The following SH3PXD2A variants were observed in gnomAD, a reference collection of about 807,000 sequenced individuals.
SH3PXD2A encodes SH3 and PX domains 2A.
Under a neutral mutation model 115.2 loss-of-function variants are expected in SH3PXD2A, and 32 were observed. The ratio of observed to expected loss-of-function variants is 0.28; its 90% CI spans 0.21 to 0.37. The LOEUF is 0.37. Ranked by LOEUF, SH3PXD2A falls within the 10% of genes least tolerant of loss-of-function variation. The pLI, the probability that SH3PXD2A is intolerant of heterozygous loss-of-function variation, is 1.00. For missense variants in SH3PXD2A, 1,328 were observed against 1,498.7 expected (o/e 0.89, Z 1.88); for synonymous variants, 610 against 629.1 (o/e 0.97, Z 0.45).
chr10:103,666,325 C>G lies in SH3PXD2A; in HGVS notation c.472+2283G>C, dbSNP rs567581871. Among the ~76,000 whole-genome samples, 13 of 152,298 alleles carry G rather than the reference C, an allele frequency of 8.5e-5. No homozygotes were observed. In the South Asian group the frequency reaches 2.7e-3, roughly 32 times the overall value. Reference sequence around the variant, plus strand: ...CCAAGTCTGTGCTCTAGCTGCTGCCCCCTGCTGGAATGCTTTCCCTTCTCT... The same window carrying G: ...CCAAGTCTGTGCTCTAGCTGCTGCCGCCTGCTGGAATGCTTTCCCTTCTCT... On this transcript the variant is annotated intron_variant, in intron 7 of 14. Coordinates refer to ENST00000369774, the MANE Select transcript of SH3PXD2A (RefSeq NM_001394015.1). The surrounding 1 kb of genome is among the most constrained non-coding windows in gnomAD (Gnocchi z 4.5).
chr10:103,724,956 C>T (rs2038222983), intron 4 of SH3PXD2A, among the ~76,000 whole-genome samples: 1 of 152,190 alleles, frequency 6.6e-6, no homozygotes. Context: ...CTTCCACTAG[C>T]CACGCTCCAG....
At chr10:103,640,246 T>C (rs1171817601) in intron 8 of SH3PXD2A, among the ~76,000 whole-genome samples, 1 of 150,342 alleles carries the variant, frequency 6.7e-6, no homozygotes, top group Non-Finnish European at 1.5e-5. Context: ...ACCCAGGAGG[T>C]GGAGGTTGCA....
intron 8 of SH3PXD2A, among the ~76,000 whole-genome samples, chr10:103,647,973 C>T (rs1006027935): frequency 6.6e-6 from 1 of 152,086 alleles, no homozygotes; most frequent in Non-Finnish European, 1.5e-5. Flanking sequence ...ATCTCCTATT[C>T]TGTTATCTTC....
At chr10:103,638,312 G>T (rs950800356) in intron 8 of SH3PXD2A, among the ~76,000 whole-genome samples, 5 of 152,220 alleles carry the variant, frequency 3.3e-5, no homozygotes, top group Non-Finnish European at 7.3e-5. Flanking sequence ...CGTGGAGTCC[G>T]TGTCAAGACA....
chr10:103,814,462 C>T (rs181240593), intron 1 of SH3PXD2A, among the ~76,000 whole-genome samples: 112 of 152,310 alleles, frequency 7.4e-4, no homozygotes, highest in African/African-American at 2.5e-3. Flanking sequence ...CAGTGGATAA[C>T]GAGTGCCAGC....
chr10:103,773,692 C>T (rs776352050), intron 2 of SH3PXD2A, among the ~76,000 whole-genome samples: 1 of 152,162 alleles, frequency 6.6e-6, no homozygotes, highest in Non-Finnish European at 1.5e-5. Context: ...CTGCCTGCCT[C>T]AGCCTCCCAA....
intron 6 of SH3PXD2A, among the ~76,000 whole-genome samples, chr10:103,683,831 A>G (rs1486745688): frequency 6.6e-6 from 1 of 152,000 alleles, no homozygotes; most frequent in African/African-American, 2.4e-5. Flanking sequence ...CTCTCCCACA[A>G]TGGCCAGCCA....
At chr10:103,723,319 C>T (rs531901825) in intron 5 of SH3PXD2A, among the ~76,000 whole-genome samples, 3 of 152,318 alleles carry the variant, frequency 2.0e-5, no homozygotes, top group Non-Finnish European at 2.9e-5. Context: ...AGTCCTCTCC[C>T]CAACCCTCTC....
At chr10:103,658,252 C>A (rs1277790751) in intron 8 of SH3PXD2A, among the ~76,000 whole-genome samples, 1 of 152,182 alleles carries the variant, frequency 6.6e-6, no homozygotes, top group Non-Finnish European at 1.5e-5. Context: ...GCACTCCCAG[C>A]CAAGTGAGAG....
intron 3 of SH3PXD2A, among the ~76,000 whole-genome samples, chr10:103,736,350 C>A (rs1360329525): frequency 2.0e-5 from 3 of 152,230 alleles, no homozygotes; most frequent in Non-Finnish European, 4.4e-5. Context: ...GCACACACAG[C>A]CTCCAGCCAT....
At chr10:103,776,160 G>T (rs1268675334) in intron 2 of SH3PXD2A, among the ~76,000 whole-genome samples, 1 of 152,222 alleles carries the variant, frequency 6.6e-6, no homozygotes, top group African/African-American at 2.4e-5. Flanking sequence ...GCCAAGGCAG[G>T]AGGATTGCTT....
At chr10:103,799,259 G>A (rs551563861) in intron 2 of SH3PXD2A, among the ~76,000 whole-genome samples, 2 of 152,180 alleles carry the variant, frequency 1.3e-5, no homozygotes, top group East Asian at 1.9e-4. Context: ...TATAGGATCC[G>A]CCATACCAAA....
chr10:103,850,386 AG>A (rs1399121309), intron 1 of SH3PXD2A, among the ~76,000 whole-genome samples: 11 of 152,134 alleles, frequency 7.2e-5, no homozygotes, highest in African/African-American at 2.2e-4. Flanking sequence ...TTCCATGAGC[AG>A]GGAGCCTTGT....
intron 1 of SH3PXD2A, among the ~76,000 whole-genome samples, chr10:103,838,097 A>C (rs902040149): frequency 3.3e-5 from 5 of 152,168 alleles, no homozygotes; most frequent in Non-Finnish European, 7.4e-5. Flanking sequence ...CTCAGCTAGG[A>C]AATCCCCTGC....
At chr10:103,780,792 C>T (rs1260713777) in intron 2 of SH3PXD2A, among the ~76,000 whole-genome samples, 2 of 152,240 alleles carry the variant, frequency 1.3e-5, no homozygotes, top group Non-Finnish European at 2.9e-5. Context: ...CAGGTCCAGG[C>T]AAGGAGAGTG....
chr10:103,768,645 C>T lies in SH3PXD2A; in HGVS notation c.154-1476G>A, dbSNP rs185739944. Among the ~76,000 whole-genome samples the T allele has an allele frequency of 2.3e-3, 351 of 152,166 alleles. 3 individuals carry two copies. The highest frequency in any genetic ancestry group is 2.4e-3 in the Non-Finnish European group (162 of 68,016). ...TTAGAAAAGACGGCTCTAGCTACGG[C>T]GTAGGGAATGGACCACAGGGTGGAA... is the stretch of plus-strand genomic sequence containing the variant. On this transcript the variant is annotated intron_variant, in intron 2 of 14. Transcript: ENST00000369774.
intron 1 of SH3PXD2A, among the ~76,000 whole-genome samples, chr10:103,854,656 G>A (rs1458084079): frequency 6.6e-6 from 1 of 152,228 alleles, no homozygotes; most frequent in Non-Finnish European, 1.5e-5. Context: ...CTTTATGAGG[G>A]AAATCAAAGC....
intron 9 of SH3PXD2A, among the ~76,000 whole-genome samples, chr10:103,626,081 C>G (rs1432964900): frequency 6.6e-6 from 1 of 152,278 alleles, no homozygotes. Flanking sequence ...GCGGGCCCTT[C>G]CCAATGGGGC....
At chr10:103,791,844 C>T (rs963093012) in intron 2 of SH3PXD2A, among the ~76,000 whole-genome samples, 7 of 152,138 alleles carry the variant, frequency 4.6e-5, no homozygotes, top group Non-Finnish European at 7.4e-5. Context: ...CACCCTCCAG[C>T]CGGACCCAGG....
Sources: gnomAD v4.1 joint callset for allele counts (sites outside exome capture counted in the v4.1 genomes callset) on GRCh38, gnomAD v4.1.1 for gene constraint, Gnocchi (gnomAD v3.1) non-coding constraint, MANE v1.5 for transcripts, NCBI Gene and HGNC (gene_info 2026-07-23, HGNC 2026-07-21) for gene names.